The following CHP2 variants were observed in gnomAD, a reference collection of about 807,000 sequenced individuals.
CHP2 encodes calcineurin like EF-hand protein 2.
CHP2 carries 31 observed loss-of-function variants against 24.7 expected under a neutral mutation model. The observed-to-expected ratio is 1.26, with a 90% CI of 0.94 to 1.69. CHP2 has a LOEUF of 1.69. Among genes scored for constraint, CHP2 ranks in the 40% most tolerant of loss-of-function variants. The pLI, the probability that CHP2 is intolerant of heterozygous loss-of-function variation, is 0.00. For missense variants in CHP2, 319 were observed against 261.5 expected (o/e 1.22, Z -1.52); for synonymous variants, 97 against 99.1 (o/e 0.98, Z 0.13).
At position 23,756,450 on chromosome 16, in the gene CHP2, G is replaced by T; in HGVS notation, c.414+1G>T. 1 of 1,613,452 alleles carries T rather than the reference G, an allele frequency of 6.2e-7. No individual in the cohort carries two copies. The highest frequency in any genetic ancestry group is 1.3e-5 in the African/African-American group (1 of 75,028). On this transcript the variant is annotated splice_donor_variant, in intron 5 of 6. Transcript: ENST00000300113. LOFTEE classifies it high-confidence loss of function. The stretch of plus-strand genomic sequence containing the variant: ...GATCTCCAGGCATGAGATGCTGCAG[G>T]TTGGCAGAAAGCGAGAGCAAGAGAT...
At chr16:23,756,215 C>T (rs1961223644) in intron 4 of CHP2, 22 bp downstream of exon 4, 1 of 1,613,260 alleles carries the variant, frequency 6.2e-7, no homozygotes, top group Non-Finnish European at 8.5e-7. Flanking sequence ...AGGACCTGCA[C>T]AAGTGAGAAT....
Position 23,756,463 on chromosome 16 carries a change from G to C in CHP2, c.414+14G>C. ...GAGATGCTGCAGGTTGGCAGAAAGC[G>C]AGAGCAAGAGATGTGATGTGTGAAG... On this transcript the variant is annotated intron_variant, in intron 5 of 6. Transcript: ENST00000300113. 1.2e-6 allele frequency: 2 copies of C among 1,608,132 alleles called. No homozygotes were observed. The highest frequency in any genetic ancestry group is 2.2e-5 in the South Asian group (2 of 90,914).
In CHP2 at chr16:23,757,552, A is replaced by G. The variant is rs1427693058; in HGVS notation, c.560A>G (p.Glu187Gly). The G allele has an allele frequency of 6.2e-7, 1 of 1,614,032 alleles. No homozygotes were observed. The highest frequency in any genetic ancestry group is 1.7e-5 in the Admixed American group (1 of 59,982). The change falls in exon 7 of 7, where the codon GAG (glutamate) becomes GGG (glycine). Residue 187 changes from glutamate to glycine, a missense_variant. Coordinates refer to ENST00000300113, the MANE Select transcript of CHP2 (RefSeq NM_022097.4). ...CAGTCCTTAGAGAAGATGGACGTTG[A>G]GCAAAAAATGAGCATCCGGATCCTG... Reference protein sequence around the residue: ...FTKSLEKMDVEQKMSIRILK With the variant: ...FTKSLEKMDVGQKMSIRILK
chr16:23,755,462 C>T, intron 1 of CHP2, 199 bp from the exon 2 acceptor site: 3 of 612,040 alleles, frequency 4.9e-6, no homozygotes, highest in East Asian at 5.5e-5. Flanking sequence ...TTGCGAGCCG[C>T]CCGGGTCTTG....
At position 23,757,668 on chromosome 16, in the gene CHP2, C is replaced by A; in HGVS notation, c.*85C>A. 8.8e-7 allele frequency: 1 copy of A among 1,141,390 alleles called. No individual in the cohort carries two copies. 70.7% of individuals were successfully genotyped at this position (1,141,390 alleles called of 1,614,324 possible). ...CCCCCATGGACGCATGGACGCAGGG[C>A]GACAATAAACTGTATTTTCGTTTCT... On this transcript the variant is annotated 3_prime_UTR_variant, in exon 7 of 7. Transcript: ENST00000300113.
intron 6 of CHP2, 53 bp downstream of exon 6, chr16:23,757,376 C>T (rs572508526): frequency 6.3e-7 from 1 of 1,593,966 alleles, no homozygotes; most frequent in Non-Finnish European, 8.6e-7. Flanking sequence ...CTGGGGCAGA[C>T]AGACTTGGGA....
Position 23,757,849 on chromosome 16 carries a change from A to C in CHP2, c.*266A>C. On this transcript the variant is annotated 3_prime_UTR_variant, in exon 7 of 7. Coordinates refer to ENST00000300113, the MANE Select transcript of CHP2 (RefSeq NM_022097.4). Reference sequence around the variant, plus strand: ...TTCAAGTGCATTACATTTATTGTGCACTTTATTTCTATTATGATTACATTG... The same window carrying C: ...TTCAAGTGCATTACATTTATTGTGCCCTTTATTTCTATTATGATTACATTG... 1 of 505,248 alleles carries C rather than the reference A, an allele frequency of 2.0e-6. No individual in the cohort carries two copies. The highest frequency in any genetic ancestry group is 3.6e-6 in the Non-Finnish European group (1 of 279,456). 31.3% of individuals were successfully genotyped at this position (505,248 alleles called of 1,614,324 possible).
rs1006433878 is a variant in CHP2, at chr16:23,758,706, G to A, written c.*1123G>A. 1.3e-5 allele frequency: 2 copies of A among 152,250 alleles called. No homozygotes were observed. The highest frequency in any genetic ancestry group is 4.8e-5 in the African/African-American group (2 of 41,434). The allele number at this position is 152,250 out of a possible 1,614,324, so 9.4% of individuals were successfully genotyped here. A position where few individuals can be genotyped will look rare whatever the true frequency, so the allele number is the denominator to read the frequency against. Reference sequence around the variant, plus strand: ...GAAATAAGGTCTGAGGATTCAGGATGGGGTGAAAGGTGGTTGCTTAAAGGA... The same window carrying A: ...GAAATAAGGTCTGAGGATTCAGGATAGGGTGAAAGGTGGTTGCTTAAAGGA... On this transcript the variant is annotated 3_prime_UTR_variant, in exon 7 of 7. Transcript: ENST00000300113.
rs939973798 is a variant in CHP2 at position 23,755,063 on chromosome 16, G to A, written c.14G>A (p.Ser5Asn). 6.3e-7 allele frequency: 1 copy of A among 1,597,352 alleles called. No individual in the cohort carries two copies. The highest frequency in any genetic ancestry group is 8.5e-7 in the Non-Finnish European group (1 of 1,175,284). Residue 5 changes from serine to asparagine, a missense_variant, in exon 1 of 7, where the codon AGC becomes AAC. Coordinates refer to ENST00000300113, the MANE Select transcript of CHP2 (RefSeq NM_022097.4). ...TCCAGCTCGGCCATGGGGTCGCGCA[G>A]CTCCCACGCCGCGGTCATTCCCGAC... is the stretch of plus-strand genomic sequence containing the variant. MGSRSSHAAVIPDGD... is the reference protein window; with the variant it reads MGSRNSHAAVIPDGD...
Position 23,757,325 on chromosome 16 carries a change from T to C in CHP2, c.537+2T>C, listed in dbSNP as rs1961239758. 2 of 1,608,992 alleles carry C rather than the reference T, an allele frequency of 1.2e-6. No homozygotes were observed. Among genetic ancestry groups the C allele is most frequent in the Admixed American group, 1.7e-5 (1 of 59,642 alleles). ...GTGTCCTTCGTGGAGTTCACCAAGG[T>C]CAGAGTGCCCTTGGGGATTGGGGAG... On this transcript the variant is annotated splice_donor_variant, in intron 6 of 6. Coordinates refer to ENST00000300113, the MANE Select transcript of CHP2 (RefSeq NM_022097.4). LOFTEE classifies it high-confidence loss of function.
rs1567268046 is a variant in CHP2 at position 23,755,845 on chromosome 16, A to G, written c.141-2A>G. The G allele has an allele frequency of 6.2e-7, 1 of 1,614,196 alleles. No homozygotes were observed. Among genetic ancestry groups the G allele is most frequent in the Non-Finnish European group, 8.5e-7 (1 of 1,180,038 alleles). On this transcript the variant is annotated splice_acceptor_variant, in intron 2 of 6. Coordinates refer to ENST00000300113, the MANE Select transcript of CHP2 (RefSeq NM_022097.4). LOFTEE classifies it high-confidence loss of function. ...TACCCTCTTTGAAATTTGGCTTTGC[A>G]GCCGCATGGATCTCCAGCAGATAGG... is the stretch of plus-strand genomic sequence containing the variant.
rs1303091632 is a variant in CHP2 at position 23,757,284 on chromosome 16, A to C, written c.498A>C (p.Glu166Asp). ...ACCGCACGGTGCAGGAGGCTGATGA[A>C]GATGGGGATGGGGCTGTGTCCTTCG... ...IADRTVQEAD[E>D]DGDGAVSFVE... The change falls in exon 6 of 7, where the codon GAA becomes GAC. Residue 166 changes from glutamate (E) to aspartate (D), a missense_variant. Glu to Asp is a conservative substitution (Grantham distance 45). Transcript: ENST00000300113. 4 of 1,613,924 alleles carry C rather than the reference A, an allele frequency of 2.5e-6. No individual in the cohort carries two copies. The South Asian group carries it at 4.4e-5, about 18-fold the overall frequency.
Position 23,755,944 on chromosome 16 carries a change from G to C in CHP2, c.221+17G>C, listed in dbSNP as rs757218305. 1.9e-6 allele frequency: 3 copies of C among 1,614,006 alleles called. No homozygotes were observed. The highest frequency in any genetic ancestry group is 2.5e-6 in the Non-Finnish European group (3 of 1,179,966). ...CCCCGATGGGTGAGGCTTGCTGGGC[G>C]TGGGGAGGTGAAGGCGGGAAAACCG... On this transcript the variant is annotated intron_variant, in intron 3 of 6. Coordinates refer to ENST00000300113, the MANE Select transcript of CHP2 (RefSeq NM_022097.4).
intron 6 of CHP2, 97 bp from the exon 7 acceptor site, chr16:23,757,433 A>T: frequency 6.3e-7 from 1 of 1,579,558 alleles, no homozygotes; most frequent in South Asian, 1.1e-5. Flanking sequence ...CCTGGGAATG[A>T]TGGGGTCTCT....
In CHP2 at chr16:23,756,113, G is replaced by A. The variant is rs190915905; in HGVS notation, c.272G>A (p.Arg91His). Residue 91 changes from arginine (R) to histidine (H), a missense_variant, in exon 4 of 7, where the codon CGC becomes CAC. By Grantham distance (29) the Arg-to-His change is conservative. Transcript: ENST00000300113. ...TTTGTCAGGGTCTTGGCTCATTTTC[G>A]CCCTGTAGAAGATGAGGACACAGAA... Reference protein sequence around the residue: ...PGFVRVLAHFRPVEDEDTETQ... With the variant: ...PGFVRVLAHFHPVEDEDTETQ... 92 of 1,614,070 alleles carry A rather than the reference G, an allele frequency of 5.7e-5. No individual in the cohort carries two copies. The East Asian group carries it at 1.7e-3, about 30-fold the overall frequency.
rs1961262687 is a variant in CHP2 at position 23,758,888 on chromosome 16, T to G, written c.*1305T>G. The G allele has an allele frequency of 6.6e-6, 1 of 152,226 alleles. No individual in the cohort carries two copies. The highest frequency in any genetic ancestry group is 1.5e-5 in the Non-Finnish European group (1 of 68,054). 9.4% of individuals were successfully genotyped at this position (152,226 alleles called of 1,614,324 possible). ...TGCATGCTAGGATGATGGGGCTTGA[T>G]GCAGTAGGGAAGAGACGATGTAAAA... On this transcript the variant is annotated 3_prime_UTR_variant, in exon 7 of 7. Coordinates refer to ENST00000300113, the MANE Select transcript of CHP2 (RefSeq NM_022097.4).
Position 23,757,665 on chromosome 16 carries a change from G to T in CHP2, c.*82G>T. On this transcript the variant is annotated 3_prime_UTR_variant, in exon 7 of 7. Coordinates refer to ENST00000300113, the MANE Select transcript of CHP2 (RefSeq NM_022097.4). ...AAGCCCCCATGGACGCATGGACGCA[G>T]GGCGACAATAAACTGTATTTTCGTT... 6 of 1,192,284 alleles carry T rather than the reference G, an allele frequency of 5.0e-6. No individual in the cohort carries two copies. In the South Asian group the frequency reaches 7.3e-5, roughly 14 times the overall value. 73.9% of individuals were successfully genotyped at this position (1,192,284 alleles called of 1,614,324 possible).
Position 23,755,753 on chromosome 16 carries a change from A to C in CHP2, c.140+20A>C. On this transcript the variant is annotated intron_variant, in intron 2 of 6. Transcript: ENST00000300113. Reference sequence around the variant, plus strand: ...CCTGAGGTGAGGGGGAGCCGGCCTCATAACTTCTGGCCTCTGTCTCTCTGA... The same window carrying C: ...CCTGAGGTGAGGGGGAGCCGGCCTCCTAACTTCTGGCCTCTGTCTCTCTGA... 20 of 1,613,970 alleles carry C rather than the reference A, an allele frequency of 1.2e-5. No individual in the cohort carries two copies. Among genetic ancestry groups the C allele is most frequent in the Non-Finnish European group, 1.6e-5 (19 of 1,179,818 alleles).
At chr16:23,756,508 A>G (rs1961228212) in intron 5 of CHP2, 59 bp downstream of exon 5, 1 of 1,421,198 alleles carries the variant, frequency 7.0e-7, no homozygotes, top group African/African-American at 1.4e-5. Flanking sequence ...GTTAAATGCA[A>G]TGGTGTGAGA....
Sources: allele counts gnomAD v4.1 joint callset, GRCh38; gene constraint gnomAD v4.1.1; transcripts MANE v1.5; gene names NCBI Gene and HGNC (gene_info 2026-07-23, HGNC 2026-07-21).